The following SLC34A2 variants were observed in gnomAD, a reference collection of about 807,000 sequenced individuals.
SLC34A2 encodes solute carrier family 34 member 2.
A neutral mutation model predicts 50.8 loss-of-function variants in SLC34A2; 41 were observed. That is an observed-to-expected ratio of 0.81 (90% CI 0.63 to 1.05). The LOEUF is 1.05. SLC34A2 is among the 50% of genes least tolerant of loss of function. The pLI is 0.00. For missense variants in SLC34A2, 879 were observed against 876.7 expected, an observed-to-expected ratio of 1.00 and a Z score of -0.03; for synonymous variants, 401 against 364.2, an observed-to-expected ratio of 1.10 and a Z score of -1.15.
chr4:25,668,391 G>T (rs1185768376), intron 6 of SLC34A2, among the ~76,000 whole-genome samples: 2 of 152,236 alleles, frequency 1.3e-5, no homozygotes, highest in Non-Finnish European at 2.9e-5. Context: ...GGTGGCTCAT[G>T]CCTGTAATCC....
chr4:25,672,415 G>A lies in SLC34A2; in HGVS notation c.1049-672G>A, dbSNP rs10019851. 9.3e-3 allele frequency among the ~76,000 whole-genome samples: 1,412 copies of A among 152,240 alleles called. 25 individuals are homozygous for A. The highest frequency in any genetic ancestry group is 0.032 in the African/African-American group (1,337 of 41,524). ...GGCACTGGGGCTGTAGCTCTTGAAC[G>A]GGCAGTGAGCTTGCATGATGCTCTG... On this transcript the variant is annotated intron_variant, in intron 9 of 12. Coordinates refer to ENST00000382051, the MANE Select transcript of SLC34A2 (RefSeq NM_006424.3).
At chr4:25,670,222 TA>T (rs1491281045) in intron 7 of SLC34A2, among the ~76,000 whole-genome samples, 1 of 152,154 alleles carries the variant, frequency 6.6e-6, no homozygotes, top group African/African-American at 2.4e-5. Flanking sequence ...AGACTGTTTT[TA>T]AAAAATAAAT....
intron 1 of SLC34A2, chr4:25,656,401 G>C (rs1713883942): frequency 6.6e-6 from 1 of 152,274 alleles, no homozygotes; most frequent in Non-Finnish European, 1.5e-5. Context: ...CCCCACCCAA[G>C]TGTGACTTCC....
At chr4:25,661,164 T>C (rs1004276875) in intron 1 of SLC34A2, among the ~76,000 whole-genome samples, 2 of 152,202 alleles carry the variant, frequency 1.3e-5, no homozygotes, top group Non-Finnish European at 2.9e-5. Flanking sequence ...TGCCAGTCAC[T>C]TTCTAGACTT....
chr4:25,672,800 C>G (rs1714888480), intron 9 of SLC34A2, among the ~76,000 whole-genome samples: 1 of 152,136 alleles, frequency 6.6e-6, no homozygotes, highest in South Asian at 2.1e-4. Flanking sequence ...ACAGCATGGT[C>G]TTTAGAGACA....
Position 25,664,312 on chromosome 4 carries a change from G to A in SLC34A2, c.361G>A (p.Ala121Thr), listed in dbSNP as rs565847214. 1.2e-5 allele frequency: 20 copies of A among 1,613,992 alleles called. No individual in the cohort carries two copies. The highest frequency in any genetic ancestry group is 1.7e-4 in the Middle Eastern group (1 of 6,056). ...GTGCTCCCTGGATATTCTTAGTAGCGCCTTCCAGCTGGTTGGAGGTAAGAA... is the reference window on the plus strand; with the variant it reads ...GTGCTCCCTGGATATTCTTAGTAGCACCTTCCAGCTGGTTGGAGGTAAGAA... ...FVCSLDILSS[A>T]FQLVGGKMAG... The change falls in exon 4 of 13, where the codon GCC (alanine) becomes ACC (threonine). Residue 121 changes from alanine (A) to threonine (T), a missense_variant. Transcript: ENST00000382051.
At chr4:25,658,271 C>A (rs903237466) in intron 1 of SLC34A2, among the ~76,000 whole-genome samples, 6 of 152,222 alleles carry the variant, frequency 3.9e-5, no homozygotes, top group Non-Finnish European at 5.9e-5. Flanking sequence ...CCAGCACTGT[C>A]CTATGTGCTG....
At position 25,662,818 on chromosome 4, in the gene SLC34A2, C is replaced by T. The variant is rs137853141; in HGVS notation, c.226C>T (p.Gln76Ter). ...VDDPWNLPTLQDSGIKWSERD... is the reference protein window; with the variant it reads ...VDDPWNLPTL ...TGACCCCTGGAACCTACCCACTCTT[C>T]AGGACTCGGGGATCAAGTGGTCAGG... The change falls in exon 3 of 13, where the codon CAG (glutamine) becomes TAG (stop). Residue 76 changes from glutamine (Q) to a stop codon, truncating the protein, a stop_gained. Transcript: ENST00000382051. LOFTEE classifies it high-confidence loss of function. The T allele has an allele frequency of 6.2e-7, 1 of 1,614,094 alleles. No individual in the cohort carries two copies. Among genetic ancestry groups the T allele is most frequent in the South Asian group, 1.1e-5 (1 of 91,066 alleles).
intron 1 of SLC34A2, among the ~76,000 whole-genome samples, chr4:25,662,005 TG>T (rs1429020978): frequency 1.3e-5 from 2 of 152,084 alleles, no homozygotes; most frequent in African/African-American, 4.8e-5. Context: ...CCCGAGTAGC[TG>T]GGACTATAGG....
Position 25,677,916 on chromosome 4 carries a change from G to A in SLC34A2, c.*1167G>A, listed in dbSNP as rs1377136756. On this transcript the variant is annotated 3_prime_UTR_variant, in exon 13 of 13. Transcript: ENST00000382051. ...TGCCTGCAAAGCTCCAGATTTTTGG[G>A]GAAAGCTGTACCCAACTGGACTGCC... is the stretch of plus-strand genomic sequence containing the variant. The A allele has an allele frequency of 6.6e-6, 1 of 152,174 alleles. No individual in the cohort carries two copies. Among genetic ancestry groups the A allele is most frequent in the Non-Finnish European group, 1.5e-5 (1 of 68,058 alleles). The allele number at this position is 152,174 out of a possible 1,614,324, so 9.4% of individuals were successfully genotyped here.
chr4:25,672,308 G>A (rs942539257), intron 9 of SLC34A2, among the ~76,000 whole-genome samples: 4 of 152,186 alleles, frequency 2.6e-5, no homozygotes, highest in Admixed American at 6.5e-5. Flanking sequence ...ACGACAACCC[G>A]ATTTGAAGGA....
chr4:25,671,515 G>A, intron 8 of SLC34A2, 86 bp from the exon 9 acceptor site: 1 of 1,559,132 alleles, frequency 6.4e-7, no homozygotes, highest in Non-Finnish European at 8.8e-7. Context: ...GGTGGTGTCT[G>A]CGCCTGTTCA....
In SLC34A2 at chr4:25,662,555, G is replaced by C; in HGVS notation, c.55G>C (p.Glu19Gln). Residue 19 changes from glutamate to glutamine, a missense_variant, in exon 2 of 13, where the codon GAA becomes CAA. Glu to Gln is a conservative substitution (Grantham distance 29). Coordinates refer to ENST00000382051, the MANE Select transcript of SLC34A2 (RefSeq NM_006424.3). ...CCAGCCCAACCCCGATAAGTACCTC[G>C]AAGGGGCCGCAGGTCAGCAGCCCAC... ...DAQPNPDKYL[E>Q]GAAGQQPTAP... 2 of 1,614,012 alleles carry C rather than the reference G, an allele frequency of 1.2e-6. No homozygotes were observed. The highest frequency in any genetic ancestry group is 1.7e-6 in the Non-Finnish European group (2 of 1,179,998).
intron 7 of SLC34A2, 116 bp from the exon 8 acceptor site, chr4:25,670,622 G>T: frequency 1.3e-6 from 1 of 764,988 alleles, no homozygotes; most frequent in Non-Finnish European, 2.3e-6. Flanking sequence ...TTGCCTCTCT[G>T]GGGGCTCACA....
intron 4 of SLC34A2, among the ~76,000 whole-genome samples, chr4:25,665,904 A>G (rs1019499411): frequency 6.6e-6 from 1 of 152,140 alleles, no homozygotes; most frequent in Non-Finnish European, 1.5e-5. Flanking sequence ...AGAGACAGAG[A>G]CAGGAGGCAC....
At chr4:25,676,059 A>T in intron 12 of SLC34A2, 76 bp from the exon 13 acceptor site, 1 of 1,516,070 alleles carries the variant, frequency 6.6e-7, no homozygotes, top group Non-Finnish European at 9.0e-7. Flanking sequence ...CTGCTAGCTT[A>T]CCTCCCCCTC....
chr4:25,657,601 C>A (rs1270230796), intron 1 of SLC34A2, among the ~76,000 whole-genome samples: 1 of 152,100 alleles, frequency 6.6e-6, no homozygotes, highest in African/African-American at 2.4e-5. Flanking sequence ...ATTGATAGTG[C>A]ATGGTGAGGG....
chr4:25,675,987 C>T, intron 12 of SLC34A2, 148 bp from the exon 13 acceptor site: 1 of 1,304,912 alleles, frequency 7.7e-7, no homozygotes. Context: ...CAGGTACCCT[C>T]TGGGCTGAGC....
Position 25,667,260 on chromosome 4 carries a change from C to G in SLC34A2, c.524-620C>G, listed in dbSNP as rs540710484. On this transcript the variant is annotated intron_variant, in intron 5 of 12. Transcript: ENST00000382051. ...GGCCTAGTGGCTCACGCCTATAATC[C>G]CAGCACTCTGGGAGGCTGAGGTGGG... Among the ~76,000 whole-genome samples the G allele has an allele frequency of 4.6e-5, 7 of 152,280 alleles. No homozygotes were observed. In the South Asian group the frequency reaches 1.4e-3, roughly 32 times the overall value.
Sources: allele counts gnomAD v4.1 joint callset (sites outside exome capture counted in the v4.1 genomes callset), GRCh38; gene constraint gnomAD v4.1.1; transcripts MANE v1.5; gene names NCBI Gene and HGNC (gene_info 2026-07-23, HGNC 2026-07-21).